The following DOCK7 variants were observed in gnomAD, a reference collection of about 807,000 sequenced individuals.
DOCK7 encodes dedicator of cytokinesis 7, also known as dedicator of cytokinesis protein 7.
A neutral mutation model predicts 271.0 loss-of-function variants in DOCK7; 138 were observed. The observed-to-expected ratio is 0.51, with a 90% confidence interval of 0.44 to 0.59. The LOEUF is 0.59. Among genes scored for constraint, DOCK7 ranks in the 20% least tolerant of loss-of-function variants. The probability of loss-of-function intolerance (pLI) is 0.00; values close to 1 mark genes in which losing one functional copy is unlikely to be tolerated. For missense variants in DOCK7, 2,066 were observed against 2,592.4 expected (o/e 0.80, Z 4.41); for synonymous variants, 823 against 876.1 (o/e 0.94, Z 1.07).
At position 62,543,760 on chromosome 1, in the gene DOCK7, T is replaced by A. The variant is rs772820619; in HGVS notation, c.2860-15A>T. 6.4e-7 allele frequency: 1 copy of A among 1,554,990 alleles called. No homozygotes were observed. The highest frequency in any genetic ancestry group is 8.8e-7 in the Non-Finnish European group (1 of 1,135,498). On this transcript the variant is annotated splice_polypyrimidine_tract_variant and intron_variant, in intron 23 of 49. Transcript: ENST00000635253. ...CGATCCATAGCCTATGGAGTGAAGATGAATGAATGACGAGATAACATTAAC... is the reference window on the plus strand; with the variant it reads ...CGATCCATAGCCTATGGAGTGAAGAAGAATGAATGACGAGATAACATTAAC...
rs551984218 is a variant in DOCK7 at position 62,653,765 on chromosome 1, T to C, written c.349A>G (p.Ile117Val). Residue 117 changes from isoleucine (I) to valine (V), a missense_variant, in exon 4 of 50, where the codon ATA becomes GTA. Transcript: ENST00000635253. ...SEMDPHVRDC[I>V]RSYTEDWAIV... is the part of the protein sequence containing the mutation. The stretch of plus-strand genomic sequence containing the variant: ...GCCCAGTCTTCTGTATAACTTCTTA[T>C]ACAGTCTCTAACATGTGGATCCATT... 42 of 1,597,248 alleles carry C rather than the reference T, an allele frequency of 2.6e-5. No homozygotes were observed. The South Asian group carries it at 4.0e-4, about 15-fold the overall frequency.
At chr1:62,566,107 C>G (rs1274255760) in intron 18 of DOCK7, among the ~76,000 whole-genome samples, 2 of 152,210 alleles carry the variant, frequency 1.3e-5, no homozygotes, top group East Asian at 3.9e-4. Context: ...GAATCAGTAT[C>G]AGGAAAATGG....
chr1:62,590,501 G>T (rs919724981), intron 14 of DOCK7, among the ~76,000 whole-genome samples: 1 of 152,162 alleles, frequency 6.6e-6, no homozygotes, highest in Admixed American at 6.5e-5. Flanking sequence ...TGAGTATCCA[G>T]TGTGATAGGT....
At chr1:62,492,654 A>C in intron 41 of DOCK7, 50 bp downstream of exon 41, 1 of 1,604,432 alleles carries the variant, frequency 6.2e-7, no homozygotes, top group Non-Finnish European at 8.5e-7. Flanking sequence ...CATGTCATTG[A>C]TAATTAGAGG....
At chr1:62,599,962 G>A (rs1180591851) in intron 14 of DOCK7, among the ~76,000 whole-genome samples, 1 of 151,826 alleles carries the variant, frequency 6.6e-6, no homozygotes, top group Non-Finnish European at 1.5e-5. Context: ...TAAACTCAGA[G>A]AAACTGGTAA....
At chr1:62,640,470 C>T (rs993416559) in intron 7 of DOCK7, among the ~76,000 whole-genome samples, 17 of 151,848 alleles carry the variant, frequency 1.1e-4, no homozygotes, top group African/African-American at 3.6e-4. Context: ...TGCAGTGAGC[C>T]GAGATTCTGC....
At chr1:62,643,487 G>A (rs897814598) in intron 7 of DOCK7, among the ~76,000 whole-genome samples, 3 of 152,198 alleles carry the variant, frequency 2.0e-5, no homozygotes, top group Admixed American at 2.0e-4. Flanking sequence ...TAAATCAGCT[G>A]TTAGGCTAAT....
rs1011864865 is a variant in DOCK7, at chr1:62,475,941, T to G, written c.5727A>C (p.Ala1909=). ...VDKCKLDPNK[A]YIQITYVEPY... ...GCTCCACATAGGTAATCTGAATATA[T>G]GCCTAGGAAAGAAAAAAGTCCTTCA... The change falls in exon 46 of 50, where the codon GCA becomes GCC. Residue 1909 remains alanine, a splice_region_variant and synonymous_variant. Coordinates refer to ENST00000635253, the MANE Select transcript of DOCK7 (RefSeq NM_001367561.1). 15 of 1,613,046 alleles carry G rather than the reference T, an allele frequency of 9.3e-6. No homozygotes were observed. Among genetic ancestry groups the G allele is most frequent in the Non-Finnish European group, 1.2e-5 (14 of 1,179,458 alleles).
intron 18 of DOCK7, among the ~76,000 whole-genome samples, chr1:62,568,346 A>G (rs935160227): frequency 3.3e-5 from 5 of 151,460 alleles, no homozygotes; most frequent in Non-Finnish European, 7.4e-5. Flanking sequence ...TGTCACCTAG[A>G]CTGGAGTGCA....
rs763241007 is a variant in DOCK7, at chr1:62,552,802, T to G, written c.2696A>C (p.Asn899Thr). The change falls in exon 22 of 50, where the codon AAT (asparagine) becomes ACT (threonine). Residue 899 changes from asparagine to threonine, a missense_variant. Physicochemically the swap from Asn to Thr is moderately conservative, Grantham distance 65. Coordinates refer to ENST00000635253, the MANE Select transcript of DOCK7 (RefSeq NM_001367561.1). Reference sequence around the variant, plus strand: ...AGTCCCAGATATATCTGGATTGCTATTACTAAGGCTTCGAGAACGATTTAA... The same window carrying G: ...AGTCCCAGATATATCTGGATTGCTAGTACTAAGGCTTCGAGAACGATTTAA... The part of the protein sequence containing the change: ...LNLNRSRSLS[N>T]SNPDISGTPT... The G allele has an allele frequency of 3.7e-6, 6 of 1,613,888 alleles. No individual in the cohort carries two copies. In the African/African-American group the frequency reaches 8.0e-5, roughly 22 times the overall value.
In DOCK7 at chr1:62,455,374, A is replaced by T. The variant is rs375171813; in HGVS notation, c.*40T>A. On this transcript the variant is annotated 3_prime_UTR_variant, in exon 50 of 50. Transcript: ENST00000635253. ...GATCTTTTCACACTCGATGTTGAAT[A>T]CATGGCTCTTTGCAGATGAATAAAA... The T allele has an allele frequency of 1.8e-4, 295 of 1,602,796 alleles. 2 individuals are homozygous for T. Among genetic ancestry groups the T allele is most frequent in the Middle Eastern group, 1.5e-3 (9 of 6,040 alleles).
rs748938254 is a variant in DOCK7 at position 62,604,714 on chromosome 1, AGAG to A, written c.1682+13989_1682+13991del. 1.1e-5 allele frequency: 18 copies of A among 1,613,166 alleles called. No homozygotes were observed. Among genetic ancestry groups the A allele is most frequent in the African/African-American group, 9.3e-5 (7 of 74,902 alleles). ...AAACCAAGAGCAAAATCTAAGCCAG[AGAG>A]GAGAAGAGGATTATCTTGGAAGTCT... On this transcript the variant is annotated intron_variant, in intron 14 of 49. Transcript: ENST00000635253.
chr1:62,495,881 CTA>C (rs1646605383), intron 38 of DOCK7, 200 bp from the exon 39 acceptor site: 1 of 444,444 alleles, frequency 2.3e-6, no homozygotes. Flanking sequence ...CCTCAGCAGA[CTA>C]TGTTTATTTT....
chr1:62,663,756 C>T (rs1465997883), intron 1 of DOCK7, among the ~76,000 whole-genome samples: 2 of 152,150 alleles, frequency 1.3e-5, no homozygotes, highest in Non-Finnish European at 2.9e-5. Context: ...TTTTACTGAG[C>T]ACTGTTACGA....
At chr1:62,598,840 T>C in intron 14 of DOCK7, 1 of 1,281,002 alleles carries the variant, frequency 7.8e-7, no homozygotes, top group Non-Finnish European at 1.1e-6. Context: ...GTCCCATCTT[T>C]CACACAGGTC....
intron 6 of DOCK7, 143 bp downstream of exon 6, chr1:62,647,963 C>T (rs1656876660): frequency 1.2e-6 from 1 of 834,382 alleles, no homozygotes; most frequent in African/African-American, 1.7e-5. Flanking sequence ...AGTAAATTCA[C>T]TAGTATAAAA....
rs1650803013 is a variant in DOCK7 at position 62,605,185 on chromosome 1, TA to T, written c.1682+13520del. On this transcript the variant is annotated intron_variant, in intron 14 of 49. Transcript: ENST00000635253. ...AGCTAATATCACAACTTTCCCAGTT[TA>T]AAAAACTAGTACTCTTGTTAAAACT... 4 of 204,670 alleles carry T rather than the reference TA, an allele frequency of 2.0e-5. No individual in the cohort carries two copies. The South Asian group carries it at 3.4e-4, about 17-fold the overall frequency. The allele number at this position is 204,670 out of a possible 1,614,324, so 12.7% of individuals were successfully genotyped here.
intron 48 of DOCK7, among the ~76,000 whole-genome samples, chr1:62,464,597 G>A (rs184958280): frequency 0.011 from 1,696 of 151,874 alleles, 15 homozygotes; most frequent in Non-Finnish European, 0.018. Context: ...AAGGAGAATC[G>A]CTTGAACCCG....
intron 48 of DOCK7, among the ~76,000 whole-genome samples, chr1:62,469,441 T>G (rs1420626385): frequency 6.6e-6 from 1 of 152,190 alleles, no homozygotes; most frequent in African/African-American, 2.4e-5. Flanking sequence ...AGGACTTACA[T>G]CTAATACCTG....
Sources: gnomAD v4.1 joint callset for allele counts (sites outside exome capture counted in the v4.1 genomes callset) on GRCh38, gnomAD v4.1.1 for gene constraint, MANE v1.5 for transcripts, NCBI Gene and HGNC (gene_info 2026-07-23, HGNC 2026-07-21) for gene names.